BMP5: variants seen among roughly 807,000 people sequenced by gnomAD.
BMP5 encodes bone morphogenetic protein 5.
Under a neutral mutation model 46.6 loss-of-function variants are expected in BMP5, and 23 were observed. That is an observed-to-expected ratio of 0.49 (90% CI 0.35 to 0.70). The LOEUF (loss-of-function observed/expected upper bound fraction) is 0.70, where lower values mean the gene tolerates loss of function less well. Among genes scored for constraint, BMP5 ranks in the 30% least tolerant of loss-of-function variants. The pLI, the probability that BMP5 is intolerant of heterozygous loss-of-function variation, is 0.00. For missense variants in BMP5, 545 were observed against 565.6 expected (o/e 0.96, Z 0.37); for synonymous variants, 204 against 191.9 (o/e 1.06, Z -0.52).
chr6:55,770,103 A>G (rs1357116380), intron 4 of BMP5, among the ~76,000 whole-genome samples: 1 of 151,874 alleles, frequency 6.6e-6, no homozygotes, highest in Non-Finnish European at 1.5e-5. Flanking sequence ...ATATTAGCCC[A>G]TAACAAGAGA....
chr6:55,830,669 CT>C (rs1042447607), intron 1 of BMP5, among the ~76,000 whole-genome samples: 2 of 151,974 alleles, frequency 1.3e-5, no homozygotes, highest in Non-Finnish European at 2.9e-5. Context: ...TTAAGTTTGA[CT>C]TGTTCTTAAT....
intron 1 of BMP5, among the ~76,000 whole-genome samples, chr6:55,869,258 T>C (rs1162468037): frequency 6.6e-6 from 1 of 152,162 alleles, no homozygotes; most frequent in African/African-American, 2.4e-5. Context: ...GTTGGGGATG[T>C]TGAATTAGCT....
chr6:55,852,536 T>A (rs897464552), intron 1 of BMP5, among the ~76,000 whole-genome samples: 1 of 152,146 alleles, frequency 6.6e-6, no homozygotes, highest in African/African-American at 2.4e-5. Context: ...GTCATTGGTA[T>A]GTAATATTTT....
chr6:55,794,503 A>G (rs151194644), intron 2 of BMP5, 76 bp from the exon 3 acceptor site: 17,189 of 1,442,974 alleles, frequency 0.012, 142 homozygotes, highest in Middle Eastern at 0.023. Flanking sequence ...AAGTGAAAAC[A>G]TTACAAAAGC....
At chr6:55,812,644 T>C (rs1776162323) in intron 2 of BMP5, among the ~76,000 whole-genome samples, 1 of 152,202 alleles carries the variant, frequency 6.6e-6, no homozygotes. Flanking sequence ...ACTTTTCAAT[T>C]GTTTCTGAGT....
At chr6:55,827,613 C>T (rs532451101) in intron 1 of BMP5, among the ~76,000 whole-genome samples, 4 of 151,612 alleles carry the variant, frequency 2.6e-5, no homozygotes, top group Admixed American at 1.3e-4. Context: ...CAATGCATTC[C>T]GAAGTATACA....
chr6:55,772,834 C>T, intron 4 of BMP5: 1 of 985,048 alleles, frequency 1.0e-6, no homozygotes, highest in Non-Finnish European at 1.2e-6. Context: ...ACAAATAGGA[C>T]TTCTAACGTG....
At chr6:55,861,726 T>A (rs998354418) in intron 1 of BMP5, among the ~76,000 whole-genome samples, 1 of 152,238 alleles carries the variant, frequency 6.6e-6, no homozygotes, top group Non-Finnish European at 1.5e-5. Context: ...CTAAAATATT[T>A]TTATTTCATT....
rs745806206 is a variant in BMP5 at position 55,759,122 on chromosome 6, C to CAT, written c.1105-9_1105-8dup. The CAT allele has an allele frequency of 2.1e-6, 1 of 467,692 alleles. No individual in the cohort carries two copies. Among genetic ancestry groups the CAT allele is most frequent in the Non-Finnish European group, 4.1e-6 (1 of 246,024 alleles). 29.0% of individuals were successfully genotyped at this position (467,692 alleles called of 1,614,324 possible). A position where few individuals can be genotyped will look rare whatever the true frequency, so the allele number is the denominator to read the frequency against. Reference sequence around the variant, plus strand: ...CTGGTGCTATAATCCAGTCCTGACACATACACACACACACACACACACAAA... The same window carrying CAT: ...CTGGTGCTATAATCCAGTCCTGACACATATACACACACACACACACACACAAA... On this transcript the variant is annotated splice_polypyrimidine_tract_variant and splice_region_variant and intron_variant, in intron 5 of 6. Transcript: ENST00000370830.
chr6:55,823,814 C>T (rs536722440), intron 1 of BMP5, among the ~76,000 whole-genome samples: 1 of 151,958 alleles, frequency 6.6e-6, no homozygotes, highest in African/African-American at 2.4e-5. Context: ...ACACCTCCTC[C>T]TATCTTTATC....
Position 55,837,376 on chromosome 6 carries a change from T to TAGATAGACAGAC in BMP5, c.491-17530_491-17529insGTCTGTCTATCT, listed in dbSNP as rs1236672631. Among the ~76,000 whole-genome samples, 184 of 149,694 alleles carry TAGATAGACAGAC rather than the reference T, an allele frequency of 1.2e-3. No homozygotes were observed. The Middle Eastern group carries it at 0.014, about 11-fold the overall frequency. On this transcript the variant is annotated intron_variant, in intron 1 of 6. Transcript: ENST00000370830. ...ATAGATAGATAGATAGATAGATAGA[T>TAGATAGACAGAC]AGACAGACAGATAGAAGAGATAGGC...
rs1170773201 is a variant in BMP5 at position 55,794,355 on chromosome 6, G to A, written c.756C>T (p.Ile252=). The part of the protein sequence containing the change: ...ALDVGWLVFD[I]TVTSNHWVIN... ...TCACCCAATGATTGCTGGTCACAGT[G>A]ATATCAAAGACAAGCCAACCCACAT... Residue 252 remains isoleucine (I), a synonymous_variant, in exon 3 of 7, where the codon ATC becomes ATT. Coordinates refer to ENST00000370830, the MANE Select transcript of BMP5 (RefSeq NM_021073.4). 7 of 1,613,780 alleles carry A rather than the reference G, an allele frequency of 4.3e-6. No homozygotes were observed. The highest frequency in any genetic ancestry group is 5.9e-6 in the Non-Finnish European group (7 of 1,179,858).
At chr6:55,842,059 CT>C (rs1562065602) in intron 1 of BMP5, among the ~76,000 whole-genome samples, 1 of 152,138 alleles carries the variant, frequency 6.6e-6, no homozygotes, top group Non-Finnish European at 1.5e-5. Flanking sequence ...CTTTACAACA[CT>C]TTTTTAAAAA....
At chr6:55,871,394 C>T (rs1046542328) in intron 1 of BMP5, among the ~76,000 whole-genome samples, 15 of 151,726 alleles carry the variant, frequency 9.9e-5, no homozygotes, top group Non-Finnish European at 1.8e-4. Context: ...TGAATATGAT[C>T]GAAGGAATAT....
At chr6:55,835,313 A>G (rs1461032609) in intron 1 of BMP5, among the ~76,000 whole-genome samples, 1 of 152,182 alleles carries the variant, frequency 6.6e-6, no homozygotes, top group Non-Finnish European at 1.5e-5. Flanking sequence ...GATCAAAAGC[A>G]TATAAAAACA....
chr6:55,866,085 A>T (rs1453949374), intron 1 of BMP5, among the ~76,000 whole-genome samples: 1 of 152,184 alleles, frequency 6.6e-6, no homozygotes, highest in Non-Finnish European at 1.5e-5. Context: ...GTGTGTCTGC[A>T]TCAAGGTTAT....
chr6:55,790,295 T>A (rs950875047), intron 3 of BMP5, among the ~76,000 whole-genome samples: 11 of 152,174 alleles, frequency 7.2e-5, no homozygotes, highest in African/African-American at 2.7e-4. Context: ...AATTACAAAC[T>A]CACTCAATTA....
intron 1 of BMP5, among the ~76,000 whole-genome samples, chr6:55,856,553 G>A (rs974587655): frequency 6.6e-6 from 1 of 152,024 alleles, no homozygotes; most frequent in Admixed American, 6.6e-5. Context: ...TGAGTTCAGG[G>A]TTTTTTATTT....
At chr6:55,808,673 G>C (rs1452621165) in intron 2 of BMP5, among the ~76,000 whole-genome samples, 1 of 152,204 alleles carries the variant, frequency 6.6e-6, no homozygotes, top group Admixed American at 6.5e-5. Flanking sequence ...TCCCAGGTTG[G>C]ATAGCATGCT....
Sources: allele counts gnomAD v4.1 joint callset (sites outside exome capture counted in the v4.1 genomes callset), GRCh38; gene constraint gnomAD v4.1.1; transcripts MANE v1.5; gene names NCBI Gene and HGNC (gene_info 2026-07-23, HGNC 2026-07-21).